Variants in SLIT2 observed in about 807,000 individuals in gnomAD.
SLIT2 encodes the protein slit homolog 2 protein.
SLIT2 carries 41 observed loss-of-function variants against 185.7 expected under a neutral mutation model. That is an observed-to-expected ratio of 0.22 (90% CI 0.17 to 0.29). The LOEUF (loss-of-function observed/expected upper bound fraction) is 0.29. Ranked by LOEUF, SLIT2 falls within the 10% of genes least tolerant of loss-of-function variation. SLIT2 has a pLI of 1.00. For missense variants in SLIT2, 1,571 were observed against 1,909.0 expected (o/e 0.82, Z 3.30); for synonymous variants, 693 against 680.2 (o/e 1.02, Z -0.29).
At chr4:20,284,192 T>C (rs1335383756) in intron 4 of SLIT2, among the ~76,000 whole-genome samples, 2 of 152,184 alleles carry the variant, frequency 1.3e-5, no homozygotes, top group African/African-American at 4.8e-5. Flanking sequence ...TGTGTTGCTG[T>C]GCAGTACCAA....
In SLIT2 at chr4:20,254,686, G is replaced by T. The variant is rs921997488; in HGVS notation, c.179+692G>T. On this transcript the variant is annotated intron_variant, in intron 1 of 36. Transcript: ENST00000504154. This position sits in a 1 kb window ranked among gnomAD's most constrained non-coding sequence, Gnocchi z 5.1. ...CAGCGGGCGACTGCGAGGGAGGACC[G>T]TGTCCCATCCGTTAAGCGAAGTTAG... Among the ~76,000 whole-genome samples the T allele has an allele frequency of 6.6e-6, 1 of 152,078 alleles. No homozygotes were observed. The highest frequency in any genetic ancestry group is 2.4e-5 in the African/African-American group (1 of 41,430).
chr4:20,513,415 A>C (rs1460234064), intron 11 of SLIT2, among the ~76,000 whole-genome samples: 1 of 152,228 alleles, frequency 6.6e-6, no homozygotes, highest in Non-Finnish European at 1.5e-5. Flanking sequence ...GTTTGAGTTC[A>C]CTTTCCAAAG....
chr4:20,392,790 A>G (rs1417194942), intron 4 of SLIT2, among the ~76,000 whole-genome samples: 1 of 152,036 alleles, frequency 6.6e-6, no homozygotes. Context: ...TTCTCCCTCC[A>G]TATCTTGTCC....
chr4:20,582,126 G>A (rs1362427793), intron 29 of SLIT2, among the ~76,000 whole-genome samples: 1 of 152,140 alleles, frequency 6.6e-6, no homozygotes, highest in Non-Finnish European at 1.5e-5. Context: ...ATTATTCATA[G>A]AATGAAGACC....
chr4:20,343,842 C>G (rs1021924817), intron 4 of SLIT2, among the ~76,000 whole-genome samples: 1 of 146,782 alleles, frequency 6.8e-6, no homozygotes, highest in South Asian at 2.2e-4. Context: ...ATTCAGTAAT[C>G]TATTATTATT....
intron 5 of SLIT2, among the ~76,000 whole-genome samples, chr4:20,476,686 A>G (rs1305960144): frequency 6.6e-6 from 1 of 152,142 alleles, no homozygotes; most frequent in East Asian, 1.9e-4. Context: ...ATGGGTAGGA[A>G]CACACTAATT....
At chr4:20,433,155 GC>G (rs905412928) in intron 4 of SLIT2, among the ~76,000 whole-genome samples, 3 of 152,204 alleles carry the variant, frequency 2.0e-5, no homozygotes, top group African/African-American at 7.2e-5. Flanking sequence ...GCAACCACCA[GC>G]CAGATGAAAG....
chr4:20,256,789 A>AT (rs1287387380), intron 2 of SLIT2, 46 bp downstream of exon 2: 1 of 905,012 alleles, frequency 1.1e-6, no homozygotes, highest in Non-Finnish European at 1.8e-6. Context: ...AAGGTTGCAT[A>AT]TTTTGAATCA....
intron 34 of SLIT2, among the ~76,000 whole-genome samples, chr4:20,612,403 A>T (rs778513713): frequency 5.3e-5 from 8 of 151,544 alleles, no homozygotes; most frequent in Non-Finnish European, 8.8e-5. Flanking sequence ...TTCAAACAAC[A>T]CCTCTGTCCA....
chr4:20,265,952 G>A (rs1476054526), intron 3 of SLIT2, among the ~76,000 whole-genome samples: 1 of 151,822 alleles, frequency 6.6e-6, no homozygotes, highest in Non-Finnish European at 1.5e-5. Context: ...CTTTATTCAG[G>A]CCCTAGCTTT....
chr4:20,511,603 T>TTTTTTTTTTTTTTTTTTA (rs61276848), intron 11 of SLIT2, among the ~76,000 whole-genome samples: 3 of 144,140 alleles, frequency 2.1e-5, no homozygotes, highest in African/African-American at 7.8e-5. Context: ...TTTTTTTTTT[T>TTTTTTTTTTTTTTTTTTA]ATTTTTGGTA....
intron 4 of SLIT2, among the ~76,000 whole-genome samples, chr4:20,452,570 C>G (rs779218108): frequency 9.9e-5 from 15 of 152,022 alleles, no homozygotes; most frequent in Non-Finnish European, 2.1e-4. Flanking sequence ...TATTCCGTTC[C>G]TCTCTCACTT....
intron 3 of SLIT2, among the ~76,000 whole-genome samples, chr4:20,268,214 T>A (rs529998894): frequency 6.6e-6 from 1 of 152,042 alleles, no homozygotes; most frequent in African/African-American, 2.4e-5. Context: ...GACACAACTG[T>A]TAGTTATAAT....
intron 4 of SLIT2, among the ~76,000 whole-genome samples, chr4:20,411,742 C>T (rs80210981): frequency 0.015 from 2,249 of 152,174 alleles, 23 homozygotes; most frequent in Non-Finnish European, 0.025. Flanking sequence ...AGTAGGTGCT[C>T]ATCTCTGAAA....
intron 6 of SLIT2, among the ~76,000 whole-genome samples, chr4:20,481,549 C>T (rs1394034604): frequency 1.3e-5 from 2 of 152,032 alleles, no homozygotes; most frequent in Admixed American, 6.6e-5. Context: ...ATTCCTCCAC[C>T]AATTAAAATA....
At chr4:20,511,509 C>T (rs1239349241) in intron 11 of SLIT2, among the ~76,000 whole-genome samples, 1 of 147,220 alleles carries the variant, frequency 6.8e-6, no homozygotes, top group Admixed American at 6.8e-5. Context: ...GCAAGCTTCA[C>T]CTCCTGGGTT....
intron 33 of SLIT2, among the ~76,000 whole-genome samples, chr4:20,604,388 C>T (rs1251765920): frequency 1.3e-5 from 2 of 152,158 alleles, no homozygotes; most frequent in Non-Finnish European, 2.9e-5. Context: ...CTTGCTCTGT[C>T]GCCCAGGCTG....
At chr4:20,442,553 G>A (rs1242148759) in intron 4 of SLIT2, among the ~76,000 whole-genome samples, 1 of 141,008 alleles carries the variant, frequency 7.1e-6, no homozygotes, top group East Asian at 2.0e-4. Context: ...AGGGGGGGGA[G>A]GGACCGATTT....
At chr4:20,314,400 G>T (rs1255107733) in intron 4 of SLIT2, among the ~76,000 whole-genome samples, 2 of 152,054 alleles carry the variant, frequency 1.3e-5, no homozygotes, top group African/African-American at 2.4e-5. Flanking sequence ...TTACTCAACG[G>T]TTTGATATAT....
Sources: gnomAD v4.1 joint callset for allele counts (sites outside exome capture counted in the v4.1 genomes callset) on GRCh38, gnomAD v4.1.1 for gene constraint, Gnocchi (gnomAD v3.1) non-coding constraint, MANE v1.5 for transcripts, NCBI Gene and HGNC (gene_info 2026-07-23, HGNC 2026-07-21) for gene names.